CDH4: variants seen among roughly 807,000 people sequenced by gnomAD.
CDH4 encodes cadherin-4.
Under a neutral mutation model 86.0 loss-of-function variants are expected in CDH4, and 33 were observed. That is an observed-to-expected ratio of 0.38 (90% CI 0.29 to 0.51). The LOEUF (loss-of-function observed/expected upper bound fraction) is 0.51. Among genes scored for constraint, CDH4 ranks in the 20% least tolerant of loss-of-function variants. CDH4 has a pLI of 0.86. For missense variants in CDH4, 1,114 were observed against 1,307.4 expected (o/e 0.85, Z 2.28); for synonymous variants, 555 against 549.4 (o/e 1.01, Z -0.14).
rs117384943 is a variant in CDH4 at position 61,712,118 on chromosome 20, C to T, written c.170-31445C>T. ...TGGTGCAGGGACGGAGGGTCTTCCA[C>T]GTGGATGATGGAACTGAGAAGCCAG... On this transcript the variant is annotated intron_variant, in intron 2 of 15. Coordinates refer to ENST00000614565, the MANE Select transcript of CDH4 (RefSeq NM_001794.5). Among the ~76,000 whole-genome samples the T allele has an allele frequency of 8.9e-3, 1,356 of 152,220 alleles. 6 individuals are homozygous for T. Among genetic ancestry groups the T allele is most frequent in the Non-Finnish European group, 0.013 (896 of 68,008 alleles).
At chr20:61,336,800 T>A (rs1007058490) in intron 2 of CDH4, among the ~76,000 whole-genome samples, 9 of 152,218 alleles carry the variant, frequency 5.9e-5, no homozygotes, top group African/African-American at 9.6e-5. Flanking sequence ...CTTTCCCTGC[T>A]GGACTTTACA....
At chr20:61,568,047 T>G (rs2086313442) in intron 2 of CDH4, among the ~76,000 whole-genome samples, 1 of 152,236 alleles carries the variant, frequency 6.6e-6, no homozygotes, top group African/African-American at 2.4e-5. Context: ...GAATTAATGC[T>G]TATTGTTAAT....
chr20:61,257,649 T>TAGGAC (rs1390631169), intron 2 of CDH4, among the ~76,000 whole-genome samples: 9 of 152,260 alleles, frequency 5.9e-5, no homozygotes, highest in Non-Finnish European at 8.8e-5. Context: ...GTATCTAAAA[T>TAGGAC]AGGACGGTGA....
At chr20:61,602,196 G>C (rs951162580) in intron 2 of CDH4, among the ~76,000 whole-genome samples, 13 of 152,188 alleles carry the variant, frequency 8.5e-5, no homozygotes, top group Middle Eastern at 3.2e-3. Context: ...CCAGGTTAGG[G>C]GATGCTGCCA....
At chr20:61,619,359 A>G (rs1173804263) in intron 2 of CDH4, among the ~76,000 whole-genome samples, 1 of 152,218 alleles carries the variant, frequency 6.6e-6, no homozygotes, top group African/African-American at 2.4e-5. Context: ...AGTTAGAAGG[A>G]GGATAACTAT....
In CDH4 at chr20:61,344,938, C is replaced by T. The variant is rs1271206983; in HGVS notation, c.169+90001C>T. Among the ~76,000 whole-genome samples the T allele has an allele frequency of 3.3e-5, 5 of 152,194 alleles. No individual in the cohort carries two copies. The East Asian group carries it at 7.7e-4, about 23-fold the overall frequency. ...TCAGGTTCTGCGCCGGCTATTGACC[C>T]GCAGACTCGAGTCTAGGATGCACCT... On this transcript the variant is annotated intron_variant, in intron 2 of 15. Coordinates refer to ENST00000614565, the MANE Select transcript of CDH4 (RefSeq NM_001794.5).
At chr20:61,458,102 ATGT>A (rs1392236400) in intron 2 of CDH4, among the ~76,000 whole-genome samples, 1 of 146,924 alleles carries the variant, frequency 6.8e-6, no homozygotes, top group Non-Finnish European at 1.5e-5. Context: ...GATGGTCATG[ATGT>A]TGATGACAGT....
At chr20:61,595,480 C>T (rs1416874559) in intron 2 of CDH4, among the ~76,000 whole-genome samples, 4 of 152,260 alleles carry the variant, frequency 2.6e-5, no homozygotes, top group Admixed American at 6.5e-5. Flanking sequence ...GACGGAAGGA[C>T]GGGCTGTGGC....
intron 2 of CDH4, among the ~76,000 whole-genome samples, chr20:61,460,911 A>G (rs2085438268): frequency 6.6e-6 from 1 of 152,136 alleles, no homozygotes; most frequent in Non-Finnish European, 1.5e-5. Context: ...CTCTCTTGCC[A>G]GCACGGGCTC....
chr20:61,732,654 T>C (rs893405456), intron 2 of CDH4, among the ~76,000 whole-genome samples: 2 of 152,190 alleles, frequency 1.3e-5, no homozygotes, highest in African/African-American at 4.8e-5. Context: ...TACCCCTACC[T>C]AGCCAGGCAC....
chr20:61,845,476 A>G (rs1035481233), intron 5 of CDH4, among the ~76,000 whole-genome samples: 4 of 152,220 alleles, frequency 2.6e-5, no homozygotes, highest in African/African-American at 7.2e-5. Context: ...GGCCTGGGCC[A>G]TGGTGAAAGC....
At position 61,502,986 on chromosome 20, in the gene CDH4, G is replaced by A. The variant is rs180814394; in HGVS notation, c.170-240577G>A. On this transcript the variant is annotated intron_variant, in intron 2 of 15. Coordinates refer to ENST00000614565, the MANE Select transcript of CDH4 (RefSeq NM_001794.5). ...ATTTCTGCACGCCAAAGATGATTATGCCTAAATGAATATTCTTTTATTGGC... is the reference window on the plus strand; with the variant it reads ...ATTTCTGCACGCCAAAGATGATTATACCTAAATGAATATTCTTTTATTGGC... Among the ~76,000 whole-genome samples the A allele has an allele frequency of 1.0e-3, 158 of 152,322 alleles. 1 individual carries two copies. The highest frequency in any genetic ancestry group is 3.6e-3 in the African/African-American group (148 of 41,574).
At chr20:61,487,912 G>T (rs994184943) in intron 2 of CDH4, among the ~76,000 whole-genome samples, 1 of 152,182 alleles carries the variant, frequency 6.6e-6, no homozygotes, top group African/African-American at 2.4e-5. Context: ...TACAAACTGA[G>T]GTCAGCTCTT....
intron 2 of CDH4, among the ~76,000 whole-genome samples, chr20:61,300,072 C>T (rs138839799): frequency 0.01 from 1,581 of 152,226 alleles, 15 homozygotes; most frequent in Middle Eastern, 0.024. Flanking sequence ...CTCTTCTGCA[C>T]GCTGACTGGC....
chr20:61,675,771 G>A (rs1452319866), intron 2 of CDH4, among the ~76,000 whole-genome samples: 1 of 132,064 alleles, frequency 7.6e-6, no homozygotes, highest in South Asian at 2.9e-4. Context: ...AACAACCATC[G>A]CAGGGGCTGA....
At chr20:61,529,074 A>G (rs2085933929) in intron 2 of CDH4, among the ~76,000 whole-genome samples, 2 of 152,206 alleles carry the variant, frequency 1.3e-5, no homozygotes, top group African/African-American at 4.8e-5. Context: ...TTGGGTTTCA[A>G]ATCCATAGGA....
chr20:61,644,428 G>A (rs1215788862), intron 2 of CDH4, among the ~76,000 whole-genome samples: 3 of 152,202 alleles, frequency 2.0e-5, no homozygotes, highest in East Asian at 1.9e-4. Flanking sequence ...TGGTGCCTTC[G>A]ACAGCTCTAC....
At chr20:61,736,801 G>A (rs969566544) in intron 2 of CDH4, among the ~76,000 whole-genome samples, 4 of 152,118 alleles carry the variant, frequency 2.6e-5, no homozygotes, top group African/African-American at 7.2e-5. Context: ...GAGGTCACCC[G>A]GGGCGGGGGC....
chr20:61,502,843 T>C (rs957721396), intron 2 of CDH4, among the ~76,000 whole-genome samples: 1 of 152,234 alleles, frequency 6.6e-6, no homozygotes, highest in Non-Finnish European at 1.5e-5. Context: ...TCAAATAATG[T>C]ATTAAACCAC....
Sources: allele counts gnomAD v4.1 joint callset (sites outside exome capture counted in the v4.1 genomes callset), GRCh38; gene constraint gnomAD v4.1.1; transcripts MANE v1.5; gene names NCBI Gene and HGNC (gene_info 2026-07-23, HGNC 2026-07-21).